The following ARIH2 variants were observed in gnomAD, a reference collection of about 807,000 sequenced individuals.
ARIH2 encodes E3 ubiquitin-protein ligase ARIH2.
Under a neutral mutation model 79.8 loss-of-function variants are expected in ARIH2, and 12 were observed. The observed-to-expected ratio is 0.15, with a 90% CI of 0.10 to 0.24. The LOEUF is 0.24. Ranked by LOEUF, ARIH2 falls within the 10% of genes least tolerant of loss-of-function variation. The pLI is 1.00. For missense variants in ARIH2, 301 were observed against 618.3 expected (o/e 0.49, Z 5.44); for synonymous variants, 224 against 213.9 (o/e 1.05, Z -0.41).
chr3:48,979,726 C>T (rs1478389971), intron 12 of ARIH2, 93 bp downstream of exon 12: 43 of 1,401,286 alleles, frequency 3.1e-5, no homozygotes, highest in Non-Finnish European at 3.9e-5. Context: ...ACAGAGCTAG[C>T]CTGTGCACAT....
At chr3:48,963,959 CAA>C (rs2091527768) in intron 4 of ARIH2, among the ~76,000 whole-genome samples, 1 of 152,126 alleles carries the variant, frequency 6.6e-6, no homozygotes, top group Admixed American at 6.6e-5. Flanking sequence ...TTCCTAGAAC[CAA>C]ATGGATTTTT....
At chr3:48,947,218 A>C (rs887293341) in intron 3 of ARIH2, among the ~76,000 whole-genome samples, 1 of 152,160 alleles carries the variant, frequency 6.6e-6, no homozygotes, top group African/African-American at 2.4e-5. Flanking sequence ...AGGCGGGGGG[A>C]TCACCTGAGG....
intron 3 of ARIH2, among the ~76,000 whole-genome samples, chr3:48,950,306 C>CT (rs2089785749): frequency 2.0e-5 from 3 of 150,656 alleles, no homozygotes; most frequent in Admixed American, 6.6e-5. Flanking sequence ...ATTCCATTTT[C>CT]TTTTTTTCCT....
chr3:48,972,319 A>G (rs1433536303), intron 8 of ARIH2, among the ~76,000 whole-genome samples: 1 of 152,186 alleles, frequency 6.6e-6, no homozygotes, highest in Non-Finnish European at 1.5e-5. Context: ...ACAGATGCCC[A>G]GCTAATTTTT....
chr3:48,961,550 A>T (rs563909254), intron 3 of ARIH2, 62 bp from the exon 4 acceptor site: 1 of 1,076,016 alleles, frequency 9.3e-7, no homozygotes, highest in East Asian at 2.4e-5. Flanking sequence ...AGTTCTCAAA[A>T]TGCGAAACAC....
At chr3:48,920,149 T>A (rs1025340942) in intron 1 of ARIH2, among the ~76,000 whole-genome samples, 4 of 151,894 alleles carry the variant, frequency 2.6e-5, no homozygotes, top group Non-Finnish European at 4.4e-5. Context: ...CTGGCTAATT[T>A]GTAAAATTTT....
chr3:48,943,160 T>A (rs1175347662), intron 3 of ARIH2: 1 of 152,222 alleles, frequency 6.6e-6, no homozygotes, highest in African/African-American at 2.4e-5. Context: ...TTTGTTTTTC[T>A]GATACATCCA....
chr3:48,983,074 C>A, intron 15 of ARIH2, 95 bp downstream of exon 15: 1 of 1,496,832 alleles, frequency 6.7e-7, no homozygotes, highest in Non-Finnish European at 9.3e-7. Flanking sequence ...CTGGTAGCTG[C>A]TGCTAAGAAT....
At chr3:48,946,199 CT>C (rs1412821739) in intron 3 of ARIH2, among the ~76,000 whole-genome samples, 6 of 152,014 alleles carry the variant, frequency 3.9e-5, no homozygotes, top group Admixed American at 2.0e-4. Flanking sequence ...GAATTTCCCC[CT>C]GGTCTTCATC....
chr3:48,959,681 G>GA (rs2091045130), intron 3 of ARIH2, among the ~76,000 whole-genome samples: 1 of 103,002 alleles, frequency 9.7e-6, no homozygotes, highest in South Asian at 3.1e-4. Context: ...AAAAAGAAAA[G>GA]AAAATACAGT....
At chr3:48,954,353 C>T (rs1229631364) in intron 3 of ARIH2, among the ~76,000 whole-genome samples, 2 of 151,808 alleles carry the variant, frequency 1.3e-5, no homozygotes, top group African/African-American at 4.8e-5. Flanking sequence ...AGGAGAATGG[C>T]GTGAACCCGG....
intron 8 of ARIH2, 55 bp from the exon 9 acceptor site, chr3:48,973,644 A>C (rs201141198): frequency 2.4e-4 from 328 of 1,359,906 alleles, no homozygotes; most frequent in Middle Eastern, 3.7e-4. Context: ...GAAAATTTTG[A>C]ACATGGGACC....
intron 3 of ARIH2, among the ~76,000 whole-genome samples, chr3:48,947,068 G>A (rs1169624361): frequency 2.5e-5 from 2 of 80,148 alleles, no homozygotes; most frequent in Non-Finnish European, 5.1e-5. Context: ...CTGTGGAAAA[G>A]TGATGTTGGT....
chr3:48,927,250 A>G (rs1002726362), intron 2 of ARIH2: 4 of 317,642 alleles, frequency 1.3e-5, no homozygotes, highest in Non-Finnish European at 1.8e-5. Context: ...TGAAGTTACC[A>G]TTTATTAGCT....
chr3:48,980,552 C>G (rs925512514), intron 13 of ARIH2, 56 bp downstream of exon 13: 1 of 1,584,194 alleles, frequency 6.3e-7, no homozygotes, highest in African/African-American at 1.4e-5. Flanking sequence ...CCGTCAGGCA[C>G]AGACCTCTGA....
chr3:48,972,177 G>C (rs141251325), intron 8 of ARIH2, among the ~76,000 whole-genome samples: 2 of 152,316 alleles, frequency 1.3e-5, no homozygotes, highest in East Asian at 3.9e-4. Flanking sequence ...ATAGCTCTGT[G>C]TTTGACATCT....
At chr3:48,933,663 C>T (rs565592771) in intron 3 of ARIH2, among the ~76,000 whole-genome samples, 1 of 151,612 alleles carries the variant, frequency 6.6e-6, no homozygotes, top group African/African-American at 2.4e-5. Flanking sequence ...CATTCTCCTG[C>T]CTCAGCCTCC....
chr3:48,951,781 C>T (rs2089991264), intron 3 of ARIH2, among the ~76,000 whole-genome samples: 1 of 151,986 alleles, frequency 6.6e-6, no homozygotes. Context: ...CATCTTCTAC[C>T]TCTGTTATGG....
At chr3:48,959,649 C>CAAAAAAA (rs71077758) in intron 3 of ARIH2, among the ~76,000 whole-genome samples, 277 of 50,048 alleles carry the variant, frequency 5.5e-3, no homozygotes, top group Middle Eastern at 0.011. Context: ...TAAAAAATAC[C>CAAAAAAA]AAAAAAAAAA....
Sources: gnomAD v4.1 joint callset for allele counts (sites outside exome capture counted in the v4.1 genomes callset) on GRCh38, gnomAD v4.1.1 for gene constraint, MANE v1.5 for transcripts, NCBI Gene and HGNC (gene_info 2026-07-23, HGNC 2026-07-21) for gene names.